FOXP2: variants seen among roughly 807,000 people sequenced by gnomAD.
The protein encoded by FOXP2 is forkhead box P2.
FOXP2 carries 12 observed loss-of-function variants against 115.8 expected under a neutral mutation model. The observed-to-expected ratio is 0.10, with a 90% CI of 0.07 to 0.17. The LOEUF (loss-of-function observed/expected upper bound fraction) is 0.17, where lower values mean the gene tolerates loss of function less well. Among genes scored for constraint, FOXP2 ranks in the 10% least tolerant of loss-of-function variants. The pLI is 1.00. For synonymous variants in FOXP2, 328 were observed against 297.7 expected, an observed-to-expected ratio of 1.10 and a Z score of -1.05; for missense variants, 629 against 843.5, an observed-to-expected ratio of 0.75 and a Z score of 3.15.
chr7:114,290,959 A>G (rs1032766541), intron 2 of FOXP2, among the ~76,000 whole-genome samples: 3 of 152,116 alleles, frequency 2.0e-5, no homozygotes, highest in Admixed American at 6.6e-5. Flanking sequence ...ATTCATTTCA[A>G]TCGTTGACTG....
At chr7:114,661,759 C>G in intron 13 of FOXP2, 1 of 365,266 alleles carries the variant, frequency 2.7e-6, no homozygotes, top group South Asian at 2.2e-5. Flanking sequence ...CCTAATTGTT[C>G]TGGCATTTTC....
intron 1 of FOXP2, among the ~76,000 whole-genome samples, chr7:114,266,082 AC>A (rs1186980903): frequency 6.6e-6 from 1 of 151,918 alleles, no homozygotes; most frequent in African/African-American, 2.4e-5. Flanking sequence ...GAAAAAAAAA[AC>A]AAAAAACTGG....
At chr7:114,311,956 G>C (rs1303019957) in intron 2 of FOXP2, among the ~76,000 whole-genome samples, 2 of 151,988 alleles carry the variant, frequency 1.3e-5, no homozygotes, top group African/African-American at 4.8e-5. Context: ...CCTGACACTT[G>C]TGCACCCAGT....
intron 1 of FOXP2, among the ~76,000 whole-genome samples, chr7:114,097,887 A>G (rs1799684872): frequency 6.6e-6 from 1 of 152,184 alleles, no homozygotes; most frequent in South Asian, 2.1e-4. Flanking sequence ...GTGTTGATCA[A>G]TTTCTGTTAA....
At position 114,393,999 on chromosome 7, in the gene FOXP2, TGTGTGTGAGA is replaced by T. The variant is rs759830102; in HGVS notation, c.-10-32501_-10-32492del. On this transcript the variant is annotated intron_variant, in intron 2 of 17. Transcript: ENST00000634411. ...GTGTGAGAGTGTGTGTGTGTGTGTG[TGTGTGTGAGA>T]GAGAGAGAGAGAGAGAGAGATCCCT... 0.01 allele frequency among the ~76,000 whole-genome samples: 179 copies of T among 17,570 alleles called. No individual in the cohort carries two copies. The South Asian group carries it at 0.12, about 12-fold the overall frequency. The allele number at this position is 17,570 out of a possible 152,430, so 11.5% of individuals were successfully genotyped here.
chr7:114,242,497 C>T (rs2129167822), intron 1 of FOXP2, among the ~76,000 whole-genome samples: 1 of 152,086 alleles, frequency 6.6e-6, no homozygotes, highest in South Asian at 2.1e-4. Flanking sequence ...TCCAAGGACC[C>T]TATAAGGAAG....
intron 3 of FOXP2, among the ~76,000 whole-genome samples, chr7:114,580,661 T>C (rs1470258272): frequency 1.3e-5 from 2 of 152,108 alleles, no homozygotes; most frequent in Non-Finnish European, 2.9e-5. Context: ...AAAAGCATGT[T>C]GACAATTAGA....
chr7:114,390,278 T>C (rs1792560682), intron 2 of FOXP2, among the ~76,000 whole-genome samples: 1 of 152,066 alleles, frequency 6.6e-6, no homozygotes, highest in Non-Finnish European at 1.5e-5. Flanking sequence ...TTATCACTTG[T>C]TAAATGTCAC....
intron 3 of FOXP2, among the ~76,000 whole-genome samples, chr7:114,573,878 A>T (rs1019379519): frequency 4.0e-5 from 6 of 151,834 alleles, no homozygotes; most frequent in Non-Finnish European, 8.8e-5. Flanking sequence ...TACATATTTG[A>T]TATTAAACAG....
intron 1 of FOXP2, among the ~76,000 whole-genome samples, chr7:114,215,872 A>G (rs1027639992): frequency 6.6e-6 from 1 of 152,188 alleles, no homozygotes; most frequent in African/African-American, 2.4e-5. Context: ...CACAGGTGCC[A>G]GGCAGATAGA....
intron 3 of FOXP2, among the ~76,000 whole-genome samples, chr7:114,536,470 C>G (rs544538320): frequency 7.2e-6 from 1 of 138,890 alleles, no homozygotes; most frequent in Admixed American, 7.7e-5. Flanking sequence ...CTAAAATATA[C>G]GTACTTTTCC....
In FOXP2 at chr7:114,653,978, G is replaced by A. The variant is rs1270486405; in HGVS notation, c.1235G>A (p.Arg412Gln). Reference sequence around the variant, plus strand: ...GCAATGATGACCCACTTGCACATGCGACCCTCAGAGCCCAAACCATCTCCC... The same window carrying A: ...GCAATGATGACCCACTTGCACATGCAACCCTCAGAGCCCAAACCATCTCCC... ...LQAMMTHLHM[R>Q]PSEPKPSPKP... is the part of the protein sequence containing the mutation. Residue 412 changes from arginine (R) to glutamine (Q), a missense_variant, in exon 10 of 17, where the codon CGA (arginine) becomes CAA (glutamine). Coordinates refer to ENST00000350908, the MANE Select transcript of FOXP2 (RefSeq NM_014491.4). 3 of 1,613,126 alleles carry A rather than the reference G, an allele frequency of 1.9e-6. No individual in the cohort carries two copies. The highest frequency in any genetic ancestry group is 2.5e-6 in the Non-Finnish European group (3 of 1,179,470).
chr7:114,641,515 C>T (rs931905693), intron 6 of FOXP2, among the ~76,000 whole-genome samples: 4 of 152,060 alleles, frequency 2.6e-5, no homozygotes, highest in Non-Finnish European at 5.9e-5. Context: ...TTGTTTAAGA[C>T]ACCAAAATTA....
upstream of FOXP2, among the ~76,000 whole-genome samples, chr7:114,413,357 A>G (rs1339468972): frequency 2.6e-5 from 4 of 152,120 alleles, no homozygotes; most frequent in Non-Finnish European, 5.9e-5. Context: ...TTAAAATATA[A>G]GTTACTATTG....
intron 2 of FOXP2, among the ~76,000 whole-genome samples, chr7:114,520,737 T>C (rs1192320662): frequency 2.0e-5 from 3 of 152,052 alleles, no homozygotes; most frequent in African/African-American, 2.4e-5. Flanking sequence ...AGGTAAAATA[T>C]TTTTGCCTGT....
intron 2 of FOXP2, among the ~76,000 whole-genome samples, chr7:114,312,572 A>T (rs565031998): frequency 6.6e-6 from 1 of 152,290 alleles, no homozygotes; most frequent in African/African-American, 2.4e-5. Flanking sequence ...TTTACCTAAT[A>T]GTCTAGCAAT....
intron 2 of FOXP2, among the ~76,000 whole-genome samples, chr7:114,476,656 G>A (rs1240377766): frequency 1.3e-5 from 2 of 151,888 alleles, no homozygotes; most frequent in Non-Finnish European, 2.9e-5. Context: ...ATTCTGTCAA[G>A]AATGATGTTG....
intron 2 of FOXP2, among the ~76,000 whole-genome samples, chr7:114,352,928 C>T (rs552221591): frequency 4.7e-4 from 71 of 152,118 alleles, no homozygotes; most frequent in African/African-American, 1.4e-3. Flanking sequence ...TCTAATTTGA[C>T]GGACCAGGAA....
intron 2 of FOXP2, among the ~76,000 whole-genome samples, chr7:114,404,937 G>T (rs888571699): frequency 6.6e-6 from 1 of 151,914 alleles, no homozygotes; most frequent in Non-Finnish European, 1.5e-5. Flanking sequence ...TAATGAGCAG[G>T]TATCATAAAA....
Sources: allele counts gnomAD v4.1 joint callset (sites outside exome capture counted in the v4.1 genomes callset), GRCh38; gene constraint gnomAD v4.1.1; transcripts MANE v1.5; gene names NCBI Gene and HGNC (gene_info 2026-07-23, HGNC 2026-07-21).